ETV6: variants seen among roughly 807,000 people sequenced by gnomAD.
ETV6 encodes the protein ETS variant transcription factor 6.
A neutral mutation model predicts 51.1 loss-of-function variants in ETV6; 16 were observed. The observed-to-expected ratio is 0.31, with a 90% CI of 0.21 to 0.48. ETV6 has a LOEUF of 0.48. Ranked by LOEUF, ETV6 falls within the 20% of genes least tolerant of loss-of-function variation. The pLI is 0.99. For missense variants in ETV6, 458 were observed against 594.8 expected (o/e 0.77, Z 2.39); for synonymous variants, 240 against 224.1 (o/e 1.07, Z -0.64).
chr12:11,725,827 C>G (rs910896224), intron 1 of ETV6, among the ~76,000 whole-genome samples: 1 of 152,202 alleles, frequency 6.6e-6, no homozygotes, highest in Non-Finnish European at 1.5e-5. Flanking sequence ...TCTGCACACG[C>G]CGGCTCGCCT....
At chr12:11,688,885 A>G (rs74062381) in intron 1 of ETV6, among the ~76,000 whole-genome samples, 2,430 of 151,804 alleles carry the variant, frequency 0.016, 44 homozygotes, top group East Asian at 0.092. Flanking sequence ...CTACATGCTG[A>G]TTAATCTAGG....
chr12:11,656,248 C>A (rs564164479), intron 1 of ETV6, among the ~76,000 whole-genome samples: 105 of 152,314 alleles, frequency 6.9e-4, no homozygotes, highest in African/African-American at 2.4e-3. Context: ...TGGCCTAAGA[C>A]CTCGCAGGCT....
At chr12:11,867,804 T>C (rs1210581705) in intron 4 of ETV6, among the ~76,000 whole-genome samples, 2 of 152,222 alleles carry the variant, frequency 1.3e-5, no homozygotes, top group African/African-American at 4.8e-5. Context: ...ATCCTTTTGG[T>C]GAGACTGCCC....
chr12:11,809,471 C>A (rs1341248268), intron 2 of ETV6, among the ~76,000 whole-genome samples: 1 of 152,038 alleles, frequency 6.6e-6, no homozygotes, highest in Non-Finnish European at 1.5e-5. Flanking sequence ...ATGGATAGTC[C>A]AGAATAATGG....
chr12:11,816,577 T>C (rs1213199619), intron 2 of ETV6, among the ~76,000 whole-genome samples: 1 of 152,204 alleles, frequency 6.6e-6, no homozygotes, highest in Non-Finnish European at 1.5e-5. Flanking sequence ...CATTGCCTCG[T>C]TCTTGGTTCT....
At chr12:11,720,488 C>A (rs111320432) in intron 1 of ETV6, among the ~76,000 whole-genome samples, 4 of 152,130 alleles carry the variant, frequency 2.6e-5, no homozygotes, top group Non-Finnish European at 5.9e-5. Context: ...TAAAGGACTC[C>A]TTATTCATAA....
chr12:11,768,174 A>G (rs1945190382), intron 2 of ETV6, among the ~76,000 whole-genome samples: 1 of 151,196 alleles, frequency 6.6e-6, no homozygotes, highest in Non-Finnish European at 1.5e-5. Flanking sequence ...CTGCTGCATT[A>G]TTGTTCCTCT....
chr12:11,853,730 G>A (rs1197811238), intron 4 of ETV6, among the ~76,000 whole-genome samples, 169 bp downstream of exon 4: 3 of 152,196 alleles, frequency 2.0e-5, no homozygotes, highest in East Asian at 1.9e-4. Context: ...TGAAGCTCAC[G>A]ATCAAAGCGA....
Position 11,874,502 on chromosome 12 carries a change from GTA to G in ETV6, c.1009+4535_1009+4536del, listed in dbSNP as rs1248994921. On this transcript the variant is annotated intron_variant, in intron 5 of 7. Coordinates refer to ENST00000396373, the MANE Select transcript of ETV6 (RefSeq NM_001987.5). ...TATGTGCGTGTGTACACACATATGT[GTA>G]TGTGCGTGTGTACACACATATATGT... Among the ~76,000 whole-genome samples the G allele has an allele frequency of 8.2e-3, 471 of 57,204 alleles. 206 individuals are homozygous for G. The highest frequency in any genetic ancestry group is 0.022 in the African/African-American group (451 of 20,108). The allele number at this position is 57,204 out of a possible 152,430, so 37.5% of individuals were successfully genotyped here. A position where few individuals can be genotyped will look rare whatever the true frequency, so the allele number is the denominator to read the frequency against.
chr12:11,677,106 T>C (rs2541118), intron 1 of ETV6, among the ~76,000 whole-genome samples: 151,147 of 152,354 alleles, frequency 0.99, 74,983 homozygotes, highest in Middle Eastern at 1. Context: ...TTAAACCCAA[T>C]CCGAATCAAC....
Position 11,869,219 on chromosome 12 carries a change from G to T in ETV6, c.464-205G>T, listed in dbSNP as rs1370289597. Among the ~76,000 whole-genome samples the T allele has an allele frequency of 6.7e-6, 1 of 148,712 alleles. No homozygotes were observed. Among genetic ancestry groups the T allele is most frequent in the Non-Finnish European group, 1.5e-5 (1 of 67,390 alleles). Reference sequence around the variant, plus strand: ...CCACTGCACTCCAGCCTGGGCAACAGAGTGAGACTCCATCTCAAACAGAAA... The same window carrying T: ...CCACTGCACTCCAGCCTGGGCAACATAGTGAGACTCCATCTCAAACAGAAA... On this transcript the variant is annotated intron_variant, in intron 4 of 7. Coordinates refer to ENST00000396373, the MANE Select transcript of ETV6 (RefSeq NM_001987.5). This position sits in a 1 kb window ranked among gnomAD's most constrained non-coding sequence, Gnocchi z 5.0.
At chr12:11,770,382 G>T (rs1945225525) in intron 2 of ETV6, among the ~76,000 whole-genome samples, 1 of 151,922 alleles carries the variant, frequency 6.6e-6, no homozygotes, top group Non-Finnish European at 1.5e-5. Context: ...ACGCTTACTA[G>T]ATGCTGGGTT....
At chr12:11,785,361 G>A (rs1945471045) in intron 2 of ETV6, among the ~76,000 whole-genome samples, 1 of 152,098 alleles carries the variant, frequency 6.6e-6, no homozygotes, top group African/African-American at 2.4e-5. Flanking sequence ...CCCTTCACTT[G>A]TATACCCTTT....
intron 3 of ETV6, among the ~76,000 whole-genome samples, chr12:11,850,059 T>C (rs1946527248): frequency 1.3e-5 from 2 of 152,150 alleles, no homozygotes; most frequent in Non-Finnish European, 2.9e-5. Context: ...CGTGACCCAG[T>C]ACCCAGGACC....
At chr12:11,794,576 G>T (rs541086728) in intron 2 of ETV6, among the ~76,000 whole-genome samples, 46 of 152,200 alleles carry the variant, frequency 3.0e-4, no homozygotes, top group Non-Finnish European at 5.3e-4. Context: ...TCAGCTTGAC[G>T]CAAGACACCT....
intron 1 of ETV6, among the ~76,000 whole-genome samples, chr12:11,696,706 T>C (rs1270431843): frequency 2.6e-5 from 4 of 152,058 alleles, no homozygotes; most frequent in African/African-American, 4.8e-5. Context: ...AACCCAGCTA[T>C]TCAGGAGGCT....
At chr12:11,650,504 A>AAAAAAAAAAAAAAAAAAAAAAAAC (rs1555109540) in intron 1 of ETV6, among the ~76,000 whole-genome samples, 8 of 94,234 alleles carry the variant, frequency 8.5e-5, no homozygotes, top group East Asian at 3.5e-4. Flanking sequence ...AACAAAAAAC[A>AAAAAAAAAAAAAAAAAAAAAAAAC]AAAAAAAAAA....
Position 11,839,205 on chromosome 12 carries a change from T to C in ETV6, c.229T>C (p.Phe77Leu). The C allele has an allele frequency of 1.2e-6, 2 of 1,614,068 alleles. No individual in the cohort carries two copies. The highest frequency in any genetic ancestry group is 8.5e-7 in the Non-Finnish European group (1 of 1,180,010). ...GTGGCTCAAGTGGGCTGAAAATGAG[T>C]TTTCTTTAAGGCCAATTGACAGCAA... ...AQWLKWAENE[F>L]SLRPIDSNTF... Residue 77 changes from phenylalanine (F) to leucine (L), a missense_variant, in exon 3 of 8, where the codon TTT (phenylalanine) becomes CTT (leucine). Physicochemically the swap from Phe to Leu is conservative, Grantham distance 22. This residue lies in a region of ETV6 where 26 missense variants were observed against 52.1 expected (regional missense o/e 0.50). Coordinates refer to ENST00000396373, the MANE Select transcript of ETV6 (RefSeq NM_001987.5).
At chr12:11,701,840 G>A (rs1416106354) in intron 1 of ETV6, among the ~76,000 whole-genome samples, 1 of 152,142 alleles carries the variant, frequency 6.6e-6, no homozygotes, top group Non-Finnish European at 1.5e-5. Context: ...TCAAAGGAGA[G>A]GTCATATTTC....
Sources: allele counts gnomAD v4.1 joint callset (sites outside exome capture counted in the v4.1 genomes callset), GRCh38; gene constraint gnomAD v4.1.1; regional missense constraint gnomAD v4.1.1; non-coding constraint Gnocchi (gnomAD v3.1); transcripts MANE v1.5; gene names NCBI Gene and HGNC (gene_info 2026-07-23, HGNC 2026-07-21).